ERC2: variants seen among roughly 807,000 people sequenced by gnomAD.
The protein encoded by ERC2 is ERC protein 2.
ERC2 carries 42 observed loss-of-function variants against 114.8 expected under a neutral mutation model. The observed-to-expected ratio is 0.37, with a 90% CI of 0.29 to 0.47. The LOEUF (loss-of-function observed/expected upper bound fraction) is 0.47. Among genes scored for constraint, ERC2 ranks in the 20% least tolerant of loss-of-function variants. ERC2 has a pLI of 0.99. For synonymous variants in ERC2, 454 were observed against 425.5 expected (o/e 1.07, Z -0.82); for missense variants, 939 against 1,150.7 (o/e 0.82, Z 2.66).
At chr3:55,602,497 G>C (rs1200550609) in intron 17 of ERC2, among the ~76,000 whole-genome samples, 1 of 152,214 alleles carries the variant, frequency 6.6e-6, no homozygotes, top group African/African-American at 2.4e-5. Context: ...CGGTGCTGAT[G>C]TCATGCTAGG....
chr3:55,861,956 T>C (rs1192477364), intron 14 of ERC2, among the ~76,000 whole-genome samples: 4 of 152,254 alleles, frequency 2.6e-5, no homozygotes, highest in Admixed American at 2.6e-4. Context: ...CCATAGGCCA[T>C]GCTCAGCCAG....
At chr3:55,539,879 T>A (rs1182298453) in intron 17 of ERC2, among the ~76,000 whole-genome samples, 1 of 152,136 alleles carries the variant, frequency 6.6e-6, no homozygotes, top group Non-Finnish European at 1.5e-5. Context: ...ATAAAAATAT[T>A]TTAAATGCTC....
chr3:56,032,961 GAA>G (rs1174333251), intron 7 of ERC2, among the ~76,000 whole-genome samples: 2 of 67,032 alleles, frequency 3.0e-5, no homozygotes, highest in African/African-American at 1.1e-4. Flanking sequence ...GAAAGAAACA[GAA>G]AGAAAGAAAG....
Position 55,674,468 on chromosome 3 carries a change from T to C in ERC2, c.*39+9326A>G, listed in dbSNP as rs774343907. Among the ~76,000 whole-genome samples, 43 of 152,224 alleles carry C rather than the reference T, an allele frequency of 2.8e-4. 1 individual carries two copies. The highest frequency in any genetic ancestry group is 2.5e-4 in the Non-Finnish European group (17 of 68,036). ...GAGAAAATTTTTTTCCTGATATACT[T>C]ATTAAATTTCCTAAGTTTTGTAAAA... On this transcript the variant is annotated intron_variant, in intron 17 of 17. Transcript: ENST00000288221.
intron 2 of ERC2, among the ~76,000 whole-genome samples, chr3:56,357,177 AAAGGGCTCT>A (rs1280313841): frequency 1.3e-4 from 20 of 152,220 alleles, no homozygotes; most frequent in African/African-American, 4.6e-4. Flanking sequence ...GCATAGAGTC[AAAGGGCTCT>A]AAGCCCCTTA....
chr3:55,897,181 T>C (rs148074649), intron 13 of ERC2, among the ~76,000 whole-genome samples: 1 of 152,324 alleles, frequency 6.6e-6, no homozygotes, highest in Non-Finnish European at 1.5e-5. Flanking sequence ...TTTAACTAAA[T>C]ATTTGAAAAC....
chr3:55,559,914 A>G (rs1322422042), intron 17 of ERC2, among the ~76,000 whole-genome samples: 1 of 152,216 alleles, frequency 6.6e-6, no homozygotes, highest in Non-Finnish European at 1.5e-5. Context: ...TGGCCATGCT[A>G]TCTTGAAGGA....
chr3:55,930,981 GC>G (rs1167208957), intron 13 of ERC2, among the ~76,000 whole-genome samples: 1 of 152,156 alleles, frequency 6.6e-6, no homozygotes, highest in Non-Finnish European at 1.5e-5. Flanking sequence ...CATTTATGCG[GC>G]CAACAAGAAT....
At chr3:56,313,000 T>TTATATA (rs2056668104) in intron 2 of ERC2, among the ~76,000 whole-genome samples, 6 of 9,100 alleles carry the variant, frequency 6.6e-4, no homozygotes, top group East Asian at 3.6e-3. Flanking sequence ...ATATGTATAT[T>TTATATA]CATATATATA....
chr3:56,407,990 G>A (rs958515188), intron 2 of ERC2, among the ~76,000 whole-genome samples: 1 of 152,164 alleles, frequency 6.6e-6, no homozygotes, highest in African/African-American at 2.4e-5. Context: ...CTAGCACAAA[G>A]CCAAAGGAGG....
At chr3:55,793,259 C>T (rs2070199879) in intron 14 of ERC2, among the ~76,000 whole-genome samples, 3 of 152,220 alleles carry the variant, frequency 2.0e-5, no homozygotes, top group South Asian at 4.1e-4. Context: ...TGAAAGAATG[C>T]TATAAACACA....
At chr3:55,598,484 A>G (rs1013951326) in intron 17 of ERC2, among the ~76,000 whole-genome samples, 2 of 152,250 alleles carry the variant, frequency 1.3e-5, no homozygotes, top group Non-Finnish European at 2.9e-5. Flanking sequence ...TAAAGCACTG[A>G]ACATAGTACA....
intron 17 of ERC2, among the ~76,000 whole-genome samples, chr3:55,561,217 G>A (rs897232779): frequency 1.4e-4 from 21 of 152,000 alleles, no homozygotes; most frequent in African/African-American, 4.8e-4. Context: ...GACATCTTGG[G>A]ATTTCTATCA....
intron 2 of ERC2, among the ~76,000 whole-genome samples, chr3:56,309,659 C>A (rs2056426647): frequency 6.6e-6 from 1 of 152,186 alleles, no homozygotes; most frequent in Non-Finnish European, 1.5e-5. Context: ...GGCTACTCAT[C>A]CGTAAACAGG....
intron 17 of ERC2, among the ~76,000 whole-genome samples, chr3:55,550,714 A>C (rs918243059): frequency 6.6e-6 from 1 of 152,196 alleles, no homozygotes; most frequent in Admixed American, 6.5e-5. Context: ...ATTTTCAAAC[A>C]GATATAATTT....
chr3:56,345,906 C>G (rs901406788), intron 2 of ERC2, among the ~76,000 whole-genome samples: 16 of 152,208 alleles, frequency 1.1e-4, no homozygotes, highest in Admixed American at 9.8e-4. Flanking sequence ...TCATACCCCA[C>G]CTGTTGGCTG....
At chr3:55,613,380 A>G (rs896638340) in intron 17 of ERC2, among the ~76,000 whole-genome samples, 5 of 152,212 alleles carry the variant, frequency 3.3e-5, no homozygotes, top group African/African-American at 1.2e-4. Flanking sequence ...AATTATAGGG[A>G]AATCATTCTT....
chr3:55,675,003 A>T (rs1239600587), intron 17 of ERC2, among the ~76,000 whole-genome samples: 1 of 152,092 alleles, frequency 6.6e-6, no homozygotes, highest in African/African-American at 2.4e-5. Flanking sequence ...CATGGGAACA[A>T]CCCTGTGAGC....
At chr3:56,214,595 C>T (rs2049321293) in intron 3 of ERC2, among the ~76,000 whole-genome samples, 2 of 151,818 alleles carry the variant, frequency 1.3e-5, no homozygotes, top group Non-Finnish European at 2.9e-5. Context: ...GAGAACTTCC[C>T]CAATCTAGCA....
Sources: allele counts gnomAD v4.1 joint callset (sites outside exome capture counted in the v4.1 genomes callset), GRCh38; gene constraint gnomAD v4.1.1; transcripts MANE v1.5; gene names NCBI Gene and HGNC (gene_info 2026-07-23, HGNC 2026-07-21).